Variants in KL observed in about 807,000 individuals in gnomAD.
The protein encoded by KL is klotho, also known as alpha-klotho.
In KL, 62 loss-of-function variants were observed where a neutral mutation model predicts 84.2. The ratio of observed to expected loss-of-function variants is 0.74; its 90% confidence interval spans 0.60 to 0.91. The LOEUF (loss-of-function observed/expected upper bound fraction) is 0.91. Ranked by LOEUF, KL falls within the 40% of genes least tolerant of loss-of-function variation. KL has a pLI of 0.00. For synonymous variants in KL, 528 were observed against 528.0 expected (o/e 1.00, Z 0.00); for missense variants, 1,261 against 1,305.7 (o/e 0.97, Z 0.53).
At chr13:33,032,054 C>G (rs960499502) in intron 1 of KL, among the ~76,000 whole-genome samples, 1 of 152,072 alleles carries the variant, frequency 6.6e-6, no homozygotes, top group African/African-American at 2.4e-5. Context: ...AGTGTACATT[C>G]CATGACTCCA....
chr13:33,034,631 A>G (rs1428838064), intron 1 of KL, among the ~76,000 whole-genome samples: 1 of 151,852 alleles, frequency 6.6e-6, no homozygotes, highest in Non-Finnish European at 1.5e-5. Context: ...TTATTGCCTT[A>G]GAACATTCTT....
At chr13:33,051,379 G>A (rs1418295195) in intron 1 of KL, among the ~76,000 whole-genome samples, 1 of 152,028 alleles carries the variant, frequency 6.6e-6, no homozygotes, top group Non-Finnish European at 1.5e-5. Context: ...ATCTCTACTA[G>A]AAATAAAAAA....
Position 33,063,877 on chromosome 13 carries a change from CG to C in KL, c.2732del (p.Gly911AspfsTer31). ...ACATACTGGATGGTATCAATCTTTG[CG>C]GATACTTTGCTTATTCGTTTAACGA... ...AHILDGINLCGYFAYSFNDRT... is the reference protein window; with the variant it reads ...AHILDGINLCXYFAYSFNDRT... On this transcript the variant is annotated frameshift_variant, in exon 5 of 5. Transcript: ENST00000380099. LOFTEE classifies it high-confidence loss of function. 6.2e-7 allele frequency: 1 copy of C among 1,614,108 alleles called. No homozygotes were observed. Among genetic ancestry groups the C allele is most frequent in the African/African-American group, 1.3e-5 (1 of 75,020 alleles).
chr13:33,034,411 T>G (rs1871084767), intron 1 of KL, among the ~76,000 whole-genome samples: 1 of 152,204 alleles, frequency 6.6e-6, no homozygotes, highest in Admixed American at 6.5e-5. Context: ...TGTAGAAAAC[T>G]GATAGCGATG....
At chr13:33,037,858 A>G (rs1871196359) in intron 1 of KL, among the ~76,000 whole-genome samples, 1 of 152,016 alleles carries the variant, frequency 6.6e-6, no homozygotes, top group Non-Finnish European at 1.5e-5. Context: ...AGAGCAGAAG[A>G]CATGTTCAGT....
intron 1 of KL, among the ~76,000 whole-genome samples, chr13:33,022,984 G>A (rs561419277): frequency 6.6e-6 from 1 of 152,296 alleles, no homozygotes; most frequent in African/African-American, 2.4e-5. Flanking sequence ...AGGCAGATAC[G>A]TTATGTGACC....
At chr13:33,044,135 G>C (rs1871437439) in intron 1 of KL, among the ~76,000 whole-genome samples, 1 of 152,166 alleles carries the variant, frequency 6.6e-6, no homozygotes, top group African/African-American at 2.4e-5. Context: ...TTAGAAATCA[G>C]TTGGCTGTGG....
At chr13:33,062,099 C>T (rs777239466) in intron 4 of KL, among the ~76,000 whole-genome samples, 1 of 152,184 alleles carries the variant, frequency 6.6e-6, no homozygotes, top group Non-Finnish European at 1.5e-5. Flanking sequence ...TTTAACCTTG[C>T]TGGGCATGGT....
At chr13:33,050,453 A>G (rs1426167763) in intron 1 of KL, among the ~76,000 whole-genome samples, 4 of 152,342 alleles carry the variant, frequency 2.6e-5, no homozygotes, top group Admixed American at 2.0e-4. Context: ...GAGGTGGTGA[A>G]GCTGGTTCAA....
In KL at chr13:33,017,163, C is replaced by CGT. The variant is rs1475786000; in HGVS notation, c.725_726dup (p.Val243TrpfsTer57). 6.2e-7 allele frequency: 1 copy of CGT among 1,601,114 alleles called. No individual in the cohort carries two copies. Among genetic ancestry groups the CGT allele is most frequent in the African/African-American group, 1.3e-5 (1 of 75,054 alleles). On this transcript the variant is annotated frameshift_variant, in exon 1 of 5. Transcript: ENST00000380099. LOFTEE classifies it high-confidence loss of function. ...ACTGGATCACCATCGACAACCCCTA[C>CGT]GTGGTGGCCTGGCACGGCTACGCCA...
chr13:33,051,923 A>G (rs1411669004), intron 1 of KL, among the ~76,000 whole-genome samples: 1 of 152,108 alleles, frequency 6.6e-6, no homozygotes, highest in East Asian at 1.9e-4. Flanking sequence ...GGACTGCTCA[A>G]TGGATTTTAT....
At chr13:33,056,834 T>A (rs1871981538) in intron 3 of KL, among the ~76,000 whole-genome samples, 1 of 151,892 alleles carries the variant, frequency 6.6e-6, no homozygotes, top group African/African-American at 2.4e-5. Flanking sequence ...GGATGTGTCA[T>A]CTTTTATGCC....
chr13:33,036,260 T>C (rs1316640167), intron 1 of KL, among the ~76,000 whole-genome samples: 1 of 152,026 alleles, frequency 6.6e-6, no homozygotes, highest in Non-Finnish European at 1.5e-5. Flanking sequence ...CTCCAGGGAC[T>C]TTAGATGTTA....
chr13:33,048,465 G>T (rs1217366311), intron 1 of KL, among the ~76,000 whole-genome samples: 1 of 152,120 alleles, frequency 6.6e-6, no homozygotes, highest in Non-Finnish European at 1.5e-5. Context: ...CCAACCTTTG[G>T]TATTCATCTC....
intron 1 of KL, among the ~76,000 whole-genome samples, chr13:33,036,304 G>A (rs1051265152): frequency 5.9e-5 from 9 of 151,736 alleles, no homozygotes; most frequent in Non-Finnish European, 7.4e-5. Context: ...AACCATTACT[G>A]TCAAGGTGGG....
At chr13:33,018,821 T>A (rs1321199407) in intron 1 of KL, among the ~76,000 whole-genome samples, 1 of 152,198 alleles carries the variant, frequency 6.6e-6, no homozygotes, top group East Asian at 1.9e-4. Flanking sequence ...CAAGTTCTAT[T>A]TTTAGAGTCC....
rs1245397498 is a variant in KL, at chr13:33,053,966, G to T, written c.1019G>T (p.Ser340Ile). 6.2e-7 allele frequency: 1 copy of T among 1,614,058 alleles called. No homozygotes were observed. The highest frequency in any genetic ancestry group is 2.2e-5 in the East Asian group (1 of 44,882). ...TTTATTGATGGTGACTATCCCGAGA[G>T]CATGAAGAATAACCTTTCATCTATT... ...PVFIDGDYPE[S>I]MKNNLSSILP... The change falls in exon 2 of 5, where the codon AGC (serine) becomes ATC (isoleucine). Residue 340 changes from serine to isoleucine, a missense_variant. Transcript: ENST00000380099.
chr13:33,061,066 G>T lies in KL; in HGVS notation c.1987G>T (p.Ala663Ser). The T allele has an allele frequency of 7.4e-6, 12 of 1,612,982 alleles. No individual in the cohort carries two copies. The highest frequency in any genetic ancestry group is 1.0e-5 in the Non-Finnish European group (12 of 1,179,254). Residue 663 changes from alanine (A) to serine (S), a missense_variant, in exon 4 of 5, where the codon GCC becomes TCC. Transcript: ENST00000380099. Reference sequence around the variant, plus strand: ...GGGCGCCTGGGAGAACCCCTACACTGCCCTGGCCTTTGCAGAGTATGCCCG... The same window carrying T: ...GGGCGCCTGGGAGAACCCCTACACTTCCCTGGCCTTTGCAGAGTATGCCCG... ...RQGAWENPYT[A>S]LAFAEYARLC... is the part of the protein sequence containing the mutation.
intron 1 of KL, 120 bp from the exon 2 acceptor site, chr13:33,053,647 T>G (rs1299382900): frequency 1.1e-6 from 1 of 948,158 alleles, no homozygotes; most frequent in Non-Finnish European, 1.6e-6. Flanking sequence ...ATTTTTATAT[T>G]GTTAGTCATT....
Sources: gnomAD v4.1 joint callset for allele counts (sites outside exome capture counted in the v4.1 genomes callset) on GRCh38, gnomAD v4.1.1 for gene constraint, MANE v1.5 for transcripts, NCBI Gene and HGNC (gene_info 2026-07-23, HGNC 2026-07-21) for gene names.